The following PCDHA4 variants were observed in gnomAD, a reference collection of about 807,000 sequenced individuals.
The protein encoded by PCDHA4 is protocadherin alpha 4.
Under a neutral mutation model 61.4 loss-of-function variants are expected in PCDHA4, and 49 were observed. The observed-to-expected ratio is 0.80, with a 90% confidence interval of 0.63 to 1.01. The LOEUF is 1.01. Ranked by LOEUF, PCDHA4 falls within the 50% of genes least tolerant of loss-of-function variation. PCDHA4 has a pLI of 0.00. For missense variants in PCDHA4, 1,254 were observed against 1,235.8 expected, an observed-to-expected ratio of 1.01 and a Z score of -0.22; for synonymous variants, 590 against 550.3, an observed-to-expected ratio of 1.07 and a Z score of -1.01.
intron 3 of PCDHA4, among the ~76,000 whole-genome samples, chr5:141,000,877 C>T (rs2097970762): frequency 6.6e-6 from 1 of 151,952 alleles, no homozygotes; most frequent in Non-Finnish European, 1.5e-5. Context: ...CATTGTACTC[C>T]AACCTGGGCA....
At position 140,843,387 on chromosome 5, in the gene PCDHA4, C is replaced by G. The variant is rs782229636; in HGVS notation, c.2385+33815C>G. On this transcript the variant is annotated intron_variant, in intron 1 of 3. Transcript: ENST00000530339. ...AGGCAGTCGGCTGGCGTTTTGGGTC[C>G]GGAAGCGGCGCTGGTGGATGTCAAC... 7 of 1,595,950 alleles carry G rather than the reference C, an allele frequency of 4.4e-6. 1 individual carries two copies. The Admixed American group carries it at 1.2e-4, about 27-fold the overall frequency.
At chr5:140,818,367 A>C (rs1766343282) in intron 1 of PCDHA4, among the ~76,000 whole-genome samples, 1 of 152,220 alleles carries the variant, frequency 6.6e-6, no homozygotes, top group African/African-American at 2.4e-5. Context: ...TTGAATTCTT[A>C]ACTTGAATCG....
chr5:140,823,336 C>T, intron 1 of PCDHA4: 4 of 1,612,212 alleles, frequency 2.5e-6, no homozygotes, highest in Non-Finnish European at 2.5e-6. Context: ...CGCGCTGCAG[C>T]CGCTGGACCA....
intron 1 of PCDHA4, among the ~76,000 whole-genome samples, chr5:140,918,108 A>G (rs1283760333): frequency 2.6e-5 from 4 of 152,166 alleles, no homozygotes; most frequent in Non-Finnish European, 5.9e-5. Context: ...GATCTTTCAC[A>G]TCCTTGATTA....
At chr5:140,905,928 A>G (rs2072211023) in intron 1 of PCDHA4, among the ~76,000 whole-genome samples, 1 of 152,238 alleles carries the variant, frequency 6.6e-6, no homozygotes, top group Admixed American at 6.5e-5. Context: ...TGAGTCCCAA[A>G]GCTGAAGAAC....
chr5:141,011,190 T>C lies in PCDHA4; in HGVS notation c.*1253T>C, dbSNP rs1321258440. On this transcript the variant is annotated 3_prime_UTR_variant, in exon 4 of 4. Coordinates refer to ENST00000530339, the MANE Select transcript of PCDHA4 (RefSeq NM_018907.4). Reference sequence around the variant, plus strand: ...AAGACCCAAAAATTGAAGAAAAATATTGTTTTCTCATACAGTGAGCAGATT... The same window carrying C: ...AAGACCCAAAAATTGAAGAAAAATACTGTTTTCTCATACAGTGAGCAGATT... The C allele has an allele frequency of 1.3e-5, 2 of 153,748 alleles. No individual in the cohort carries two copies. The highest frequency in any genetic ancestry group is 1.9e-4 in the East Asian group (1 of 5,200). The allele number at this position is 153,748 out of a possible 1,614,324, so 9.5% of individuals were successfully genotyped here. A position where few individuals can be genotyped will look rare whatever the true frequency, so the allele number is the denominator to read the frequency against.
chr5:140,885,998 A>G (rs2060805032), intron 1 of PCDHA4, among the ~76,000 whole-genome samples: 1 of 152,190 alleles, frequency 6.6e-6, no homozygotes, highest in Non-Finnish European at 1.5e-5. Context: ...GTTGAAAGAA[A>G]TAGTAAAGGG....
At chr5:140,952,445 G>A (rs1187543872) in intron 1 of PCDHA4, among the ~76,000 whole-genome samples, 1 of 152,002 alleles carries the variant, frequency 6.6e-6, no homozygotes, top group Non-Finnish European at 1.5e-5. Flanking sequence ...GCATAATACA[G>A]CCAGGCTCTT....
intron 1 of PCDHA4, among the ~76,000 whole-genome samples, chr5:140,972,660 ATTTTTTTT>A (rs11350929): frequency 6.0e-5 from 7 of 117,270 alleles, no homozygotes; most frequent in African/African-American, 2.0e-4. Flanking sequence ...AAGAAACCAA[ATTTTTTTT>A]TTTTTTTTTT....
intron 1 of PCDHA4, chr5:140,842,451 T>A: frequency 6.2e-7 from 1 of 1,613,846 alleles, no homozygotes; most frequent in South Asian, 1.1e-5. Context: ...GTGAACGACC[T>A]CGATTCAGGT....
intron 1 of PCDHA4, among the ~76,000 whole-genome samples, chr5:140,923,970 C>T (rs2081601306): frequency 2.6e-5 from 4 of 152,220 alleles, no homozygotes; most frequent in Admixed American, 2.6e-4. Flanking sequence ...TATACCCACA[C>T]ATACTATCCC....
intron 1 of PCDHA4, chr5:140,882,766 G>T: frequency 1.2e-6 from 2 of 1,614,184 alleles, no homozygotes; most frequent in South Asian, 2.2e-5. Context: ...GAGTAAACTC[G>T]GCATTGACCT....
chr5:140,981,446 T>C (rs1586884316), intron 2 of PCDHA4, among the ~76,000 whole-genome samples: 4 of 152,058 alleles, frequency 2.6e-5, no homozygotes, highest in Admixed American at 1.3e-4. Context: ...TGGTGGCGGG[T>C]GCCTGTAGTC....
chr5:140,915,886 T>A (rs1259377999), intron 1 of PCDHA4, among the ~76,000 whole-genome samples: 2 of 152,186 alleles, frequency 1.3e-5, no homozygotes, highest in African/African-American at 4.8e-5. Context: ...GGGTAGCAAG[T>A]TCCCCCTGGC....
At chr5:140,953,127 G>T (rs909395659) in intron 1 of PCDHA4, among the ~76,000 whole-genome samples, 8 of 152,178 alleles carry the variant, frequency 5.3e-5, no homozygotes, top group African/African-American at 1.4e-4. Flanking sequence ...GATCTAAACC[G>T]TATCACTGTT....
chr5:141,006,274 C>T (rs565885323), intron 3 of PCDHA4, among the ~76,000 whole-genome samples: 13 of 152,026 alleles, frequency 8.6e-5, no homozygotes, highest in African/African-American at 2.9e-4. Context: ...TGCAGTGGCA[C>T]GATCTCAGCT....
rs782099262 is a variant in PCDHA4 at position 140,927,918 on chromosome 5, C to A, written c.2386-51031C>A. 3.7e-6 allele frequency: 6 copies of A among 1,614,220 alleles called. No homozygotes were observed. In the South Asian group the frequency reaches 4.4e-5, roughly 12 times the overall value. ...ACGATCATGCCCCCGAACTGGACTT[C>A]CTGACTCTTTCGAACCCAGTACCTG... On this transcript the variant is annotated intron_variant, in intron 1 of 3. Transcript: ENST00000530339.
intron 1 of PCDHA4, chr5:140,822,937 C>T: frequency 6.2e-7 from 1 of 1,614,274 alleles, no homozygotes. Flanking sequence ...GACCTGCTCC[C>T]TAATGCCCCA....
chr5:140,847,230 A>G (rs1780911631), intron 1 of PCDHA4, among the ~76,000 whole-genome samples: 1 of 149,868 alleles, frequency 6.7e-6, no homozygotes, highest in Admixed American at 6.7e-5. Flanking sequence ...GAGCTATTTA[A>G]CTACCTTGAG....
Sources: allele counts gnomAD v4.1 joint callset (sites outside exome capture counted in the v4.1 genomes callset), GRCh38; gene constraint gnomAD v4.1.1; transcripts MANE v1.5; gene names NCBI Gene and HGNC (gene_info 2026-07-23, HGNC 2026-07-21).